The following RABGAP1L variants were observed in gnomAD, a reference collection of about 807,000 sequenced individuals.
RABGAP1L encodes RAB GTPase activating protein 1 like, also known as rab GTPase-activating protein 1-like.
In RABGAP1L, 63 loss-of-function variants were observed where a neutral mutation model predicts 137.7. The observed-to-expected ratio is 0.46, with a 90% CI of 0.37 to 0.56. The LOEUF is 0.56. Among genes scored for constraint, RABGAP1L ranks in the 20% least tolerant of loss-of-function variants. The pLI is 0.00. For missense variants in RABGAP1L, 1,095 were observed against 1,244.0 expected, an observed-to-expected ratio of 0.88 and a Z score of 1.80; for synonymous variants, 431 against 433.7, an observed-to-expected ratio of 0.99 and a Z score of 0.08.
chr1:174,315,069 G>A (rs1248321161), intron 11 of RABGAP1L, among the ~76,000 whole-genome samples: 2 of 152,108 alleles, frequency 1.3e-5, no homozygotes, highest in African/African-American at 2.4e-5. Context: ...TAGAAGGTCT[G>A]TCCAGTGCTC....
intron 18 of RABGAP1L, among the ~76,000 whole-genome samples, chr1:174,770,538 A>G (rs967792436): frequency 6.6e-6 from 1 of 152,234 alleles, no homozygotes; most frequent in Admixed American, 6.5e-5. Context: ...ATTTCCAAGT[A>G]GTCAGTGATT....
chr1:174,613,010 C>G (rs1340232220), intron 13 of RABGAP1L, among the ~76,000 whole-genome samples: 1 of 151,450 alleles, frequency 6.6e-6, no homozygotes, highest in East Asian at 1.9e-4. Context: ...AAAACCAGGT[C>G]CTAGATTCAT....
chr1:174,351,863 G>T (rs1167719160), intron 11 of RABGAP1L, among the ~76,000 whole-genome samples: 1 of 151,978 alleles, frequency 6.6e-6, no homozygotes, highest in Non-Finnish European at 1.5e-5. Flanking sequence ...GTGCAGTGGT[G>T]CCATCTCGGC....
intron 18 of RABGAP1L, among the ~76,000 whole-genome samples, chr1:174,792,715 A>G (rs906488996): frequency 1.3e-5 from 2 of 152,344 alleles, no homozygotes; most frequent in East Asian, 3.9e-4. Flanking sequence ...AACTAAAACT[A>G]TATATAACTG....
At chr1:174,489,368 G>C (rs1166097535) in intron 13 of RABGAP1L, among the ~76,000 whole-genome samples, 5 of 152,206 alleles carry the variant, frequency 3.3e-5, no homozygotes, top group African/African-American at 1.2e-4. Flanking sequence ...AGTGGACGAA[G>C]GATATGAACA....
At chr1:174,310,969 G>A (rs2148794362) in intron 11 of RABGAP1L, among the ~76,000 whole-genome samples, 1 of 152,088 alleles carries the variant, frequency 6.6e-6, no homozygotes, top group Non-Finnish European at 1.5e-5. Context: ...TAGTCATCCT[G>A]TGTGCTGTCA....
chr1:174,319,859 C>T (rs1679781045), intron 11 of RABGAP1L, among the ~76,000 whole-genome samples: 1 of 152,102 alleles, frequency 6.6e-6, no homozygotes, highest in South Asian at 2.1e-4. Flanking sequence ...GAATGTTCCT[C>T]TGCGGTTATT....
intron 17 of RABGAP1L, among the ~76,000 whole-genome samples, chr1:174,730,104 A>G (rs966986598): frequency 1.3e-5 from 2 of 152,368 alleles, no homozygotes; most frequent in Middle Eastern, 6.8e-3. Flanking sequence ...CACATATACC[A>G]CAGGATACTT....
Position 174,990,020 on chromosome 1 carries a change from A to AC in RABGAP1L, c.*20dup, listed in dbSNP as rs1558312338. ...CACATAGTTCCAGCCTTACCCAAGC[A>AC]CAAGAGCACAATGTTCAAACCAATG... On this transcript the variant is annotated 3_prime_UTR_variant, in exon 26 of 26. Coordinates refer to ENST00000681986, the MANE Select transcript of RABGAP1L (RefSeq NM_001366446.1). 1 of 1,514,894 alleles carries AC rather than the reference A, an allele frequency of 6.6e-7. No individual in the cohort carries two copies. The highest frequency in any genetic ancestry group is 2.0e-5 in the Admixed American group (1 of 50,638). 93.8% of individuals were successfully genotyped at this position (1,514,894 alleles called of 1,614,324 possible).
chr1:174,610,174 T>G (rs1452527524), intron 13 of RABGAP1L, among the ~76,000 whole-genome samples: 1 of 150,730 alleles, frequency 6.6e-6, no homozygotes, highest in Non-Finnish European at 1.5e-5. Context: ...CATTTAGCAT[T>G]AGGTATATCT....
At chr1:174,626,367 C>A (rs1294676607) in intron 13 of RABGAP1L, among the ~76,000 whole-genome samples, 1 of 152,180 alleles carries the variant, frequency 6.6e-6, no homozygotes, top group African/African-American at 2.4e-5. Flanking sequence ...CCACTGGAAT[C>A]CCAGCACTTC....
intron 11 of RABGAP1L, among the ~76,000 whole-genome samples, chr1:174,350,099 AC>A (rs1474234909): frequency 9.3e-6 from 1 of 108,016 alleles, no homozygotes; most frequent in Non-Finnish European, 1.9e-5. Flanking sequence ...TGACCCCCCC[AC>A]CTCCCTCCCG....
At chr1:174,422,277 A>G (rs1469994356) in intron 13 of RABGAP1L, among the ~76,000 whole-genome samples, 1 of 152,052 alleles carries the variant, frequency 6.6e-6, no homozygotes, top group African/African-American at 2.4e-5. Context: ...TATATTATAC[A>G]TGAAACAAAC....
chr1:174,690,622 G>A (rs573612788), intron 15 of RABGAP1L, among the ~76,000 whole-genome samples: 2 of 152,114 alleles, frequency 1.3e-5, no homozygotes, highest in South Asian at 4.1e-4. Flanking sequence ...AATTTGAATG[G>A]ATTACACATA....
intron 11 of RABGAP1L, among the ~76,000 whole-genome samples, chr1:174,332,875 C>T (rs1681158023): frequency 6.6e-6 from 1 of 152,124 alleles, no homozygotes; most frequent in South Asian, 2.1e-4. Context: ...GACAGCTGGA[C>T]TTCCATGTTT....
chr1:174,880,079 G>GAA (rs60691029), intron 19 of RABGAP1L, among the ~76,000 whole-genome samples: 1 of 145,178 alleles, frequency 6.9e-6, no homozygotes, highest in East Asian at 2.0e-4. Flanking sequence ...AAAAAAAAAG[G>GAA]AAAAAAAAAC....
chr1:174,438,724 C>G (rs60409344), intron 13 of RABGAP1L, among the ~76,000 whole-genome samples: 5 of 122,100 alleles, frequency 4.1e-5, no homozygotes, highest in Non-Finnish European at 8.3e-5. Context: ...TCAAAAAAAA[C>G]CCAAAAAAAG....
rs766144948 is a variant in RABGAP1L at position 174,636,301 on chromosome 1, G to A, written c.1711-1074G>A. On this transcript the variant is annotated intron_variant, in intron 13 of 25. Coordinates refer to ENST00000681986, the MANE Select transcript of RABGAP1L (RefSeq NM_001366446.1). ...TGGGAGGTCGAAGTGGGTGAATCAC[G>A]AGGTCAGGAGTTTGAGACCAGCCTG... Among the ~76,000 whole-genome samples the A allele has an allele frequency of 3.9e-5, 6 of 151,938 alleles. No individual in the cohort carries two copies. In the East Asian group the frequency reaches 5.8e-4, roughly 15 times the overall value.
At chr1:174,641,888 G>A (rs1415198130) in intron 14 of RABGAP1L, among the ~76,000 whole-genome samples, 1 of 152,104 alleles carries the variant, frequency 6.6e-6, no homozygotes, top group Non-Finnish European at 1.5e-5. Context: ...TCAGTTATTA[G>A]CTCTGGCTCT....
Sources: gnomAD v4.1 joint callset for allele counts (sites outside exome capture counted in the v4.1 genomes callset) on GRCh38, gnomAD v4.1.1 for gene constraint, MANE v1.5 for transcripts, NCBI Gene and HGNC (gene_info 2026-07-23, HGNC 2026-07-21) for gene names.